The following PI4KB variants were observed in gnomAD, a reference collection of about 807,000 sequenced individuals.
The protein encoded by PI4KB is phosphatidylinositol 4-kinase beta.
Under a neutral mutation model 81.4 loss-of-function variants are expected in PI4KB, and 23 were observed. The observed-to-expected ratio is 0.28, with a 90% CI of 0.20 to 0.40. The LOEUF is 0.40. Among genes scored for constraint, PI4KB ranks in the 10% least tolerant of loss-of-function variants. The pLI is 1.00. For missense variants in PI4KB, 651 were observed against 1,036.6 expected (o/e 0.63, Z 5.11); for synonymous variants, 381 against 406.8 (o/e 0.94, Z 0.76).
chr1:151,293,757 T>C, intron 11 of PI4KB: 1 of 435,150 alleles, frequency 2.3e-6, no homozygotes, highest in Non-Finnish European at 4.2e-6. Flanking sequence ...ACCAGGAGGC[T>C]GTAAATGGGC....
intron 9 of PI4KB, among the ~76,000 whole-genome samples, chr1:151,297,240 C>T (rs1035987548): frequency 1.3e-5 from 2 of 152,012 alleles, no homozygotes; most frequent in African/African-American, 4.8e-5. Context: ...TACCACCATG[C>T]TTGGCTAATT....
intron 2 of PI4KB, among the ~76,000 whole-genome samples, chr1:151,311,236 C>T (rs766209107): frequency 2.0e-5 from 3 of 151,450 alleles, no homozygotes; most frequent in Non-Finnish European, 2.9e-5. Flanking sequence ...CAGAGCAGCA[C>T]GTGTGCACAA....
At chr1:151,302,073 C>T (rs1695331382) in intron 7 of PI4KB, 106 bp from the exon 8 acceptor site, 1 of 1,586,546 alleles carries the variant, frequency 6.3e-7, no homozygotes, top group African/African-American at 1.3e-5. Context: ...GGCAAGGACC[C>T]AGACAGCCTG....
intron 9 of PI4KB, among the ~76,000 whole-genome samples, chr1:151,297,907 C>T (rs2101917553): frequency 6.6e-6 from 1 of 152,316 alleles, no homozygotes; most frequent in East Asian, 1.9e-4. Flanking sequence ...ATTGCATTTC[C>T]ACCTTTCCAG....
chr1:151,315,990 G>A lies in PI4KB; in HGVS notation c.492C>T (p.Leu164=), dbSNP rs368483895. 24 of 1,613,156 alleles carry A rather than the reference G, an allele frequency of 1.5e-5. No individual in the cohort carries two copies. Among genetic ancestry groups the A allele is most frequent in the Non-Finnish European group, 1.9e-5 (22 of 1,179,276 alleles). ...PGVQAYIGNR[L]FCFRNEDVDF... ...CCACGTCCTCGTTGCGAAAGCAGAA[G>A]AGCCGGTTGCCAATGTAGGCTTGTA... is the stretch of plus-strand genomic sequence containing the variant. The change falls in exon 2 of 12, where the codon CTC becomes CTT. Residue 164 remains leucine, a synonymous_variant. Transcript: ENST00000368873.
chr1:151,295,802 T>A (rs900724751), intron 9 of PI4KB, among the ~76,000 whole-genome samples: 1 of 152,168 alleles, frequency 6.6e-6, no homozygotes, highest in Non-Finnish European at 1.5e-5. Flanking sequence ...ACTAATTCCC[T>A]AAAGGAAAGC....
At chr1:151,312,153 C>A (rs75834915) in intron 2 of PI4KB, among the ~76,000 whole-genome samples, 2,318 of 152,226 alleles carry the variant, frequency 0.015, 67 homozygotes, top group African/African-American at 0.053. Context: ...GTAAAGGATT[C>A]CTCATAGTAA....
chr1:151,304,691 T>G (rs940378265), intron 5 of PI4KB, among the ~76,000 whole-genome samples: 2 of 150,868 alleles, frequency 1.3e-5, no homozygotes, highest in South Asian at 4.2e-4. Flanking sequence ...AGTCTCACTC[T>G]GTCACCCAGG....
At chr1:151,327,216 A>AGGGGGCCCCCCCCCCCCC in intron 1 of PI4KB, 55 bp downstream of exon 1, 1 of 102,622 alleles carries the variant, frequency 9.7e-6, no homozygotes, top group Non-Finnish European at 1.8e-5. Flanking sequence ...TGGGAGAGGG[A>AGGGGGCCCCCCCCCCCCC]CCCCCCCCCC....
chr1:151,325,342 G>A (rs762569186), intron 1 of PI4KB, among the ~76,000 whole-genome samples: 4 of 152,026 alleles, frequency 2.6e-5, no homozygotes, highest in Non-Finnish European at 4.4e-5. Context: ...CATGACTAAC[G>A]ACAAGGAAGA....
At position 151,292,849 on chromosome 1, in the gene PI4KB, G is replaced by T; in HGVS notation, c.*3C>A. The T allele has an allele frequency of 1.2e-6, 2 of 1,613,676 alleles. No homozygotes were observed. The highest frequency in any genetic ancestry group is 1.7e-6 in the Non-Finnish European group (2 of 1,179,820). On this transcript the variant is annotated 3_prime_UTR_variant, in exon 12 of 12. Coordinates refer to ENST00000368873, the MANE Select transcript of PI4KB (RefSeq NM_001369623.2). Reference sequence around the variant, plus strand: ...CCCCACCACTCCTGGGCTGAGGAGCGTGTCACATGATGCCGTTGGTGAGGT... The same window carrying T: ...CCCCACCACTCCTGGGCTGAGGAGCTTGTCACATGATGCCGTTGGTGAGGT...
chr1:151,307,146 G>T (rs1695841756), intron 4 of PI4KB, among the ~76,000 whole-genome samples: 1 of 152,092 alleles, frequency 6.6e-6, no homozygotes, highest in African/African-American at 2.4e-5. Flanking sequence ...ATTCTCTCCA[G>T]TGTGAATTGG....
chr1:151,301,235 A>C (rs963504141), intron 8 of PI4KB, among the ~76,000 whole-genome samples: 21 of 151,634 alleles, frequency 1.4e-4, no homozygotes, highest in Non-Finnish European at 5.9e-5. Context: ...TTTTTTTTTG[A>C]GACAGAGTCT....
In PI4KB at chr1:151,306,180, C is replaced by T. The variant is rs1695738723; in HGVS notation, c.1366G>A (p.Asp456Asn). The T allele has an allele frequency of 1.2e-6, 2 of 1,614,094 alleles. No homozygotes were observed. Among genetic ancestry groups the T allele is most frequent in the East Asian group, 4.5e-5 (2 of 44,900 alleles). Residue 456 changes from aspartate to asparagine, a missense_variant, in exon 5 of 12, where the codon GAT becomes AAT. Coordinates refer to ENST00000368873, the MANE Select transcript of PI4KB (RefSeq NM_001369623.2). ...ATGTCATCCACCGACCAGGCCTCAT[C>T]ATCGTTGTCATAGTTGGGCACAGTG... is the stretch of plus-strand genomic sequence containing the variant. ...FSTVPNYDND[D>N]EAWSVDDIGE...
intron 1 of PI4KB, chr1:151,324,810 C>T: frequency 1.0e-6 from 1 of 985,246 alleles, no homozygotes; most frequent in Non-Finnish European, 1.2e-6. Flanking sequence ...CCCTCTTGTC[C>T]CATGCCAATT....
intron 9 of PI4KB, 108 bp from the exon 10 acceptor site, chr1:151,294,649 TG>T: frequency 2.0e-6 from 2 of 988,902 alleles, no homozygotes; most frequent in Non-Finnish European, 3.1e-6. Flanking sequence ...GGGGGTCCCC[TG>T]CCATGTTTCC....
chr1:151,297,003 C>T (rs1400101185), intron 9 of PI4KB, among the ~76,000 whole-genome samples: 1 of 152,150 alleles, frequency 6.6e-6, no homozygotes, highest in East Asian at 1.9e-4. Flanking sequence ...TCTTGAACTA[C>T]TGACCTCAGG....
chr1:151,323,917 T>C (rs1334010176), intron 1 of PI4KB, among the ~76,000 whole-genome samples: 1 of 152,130 alleles, frequency 6.6e-6, no homozygotes, highest in African/African-American at 2.4e-5. Context: ...TGAGTACCAT[T>C]GGATTTGTTA....
At chr1:151,320,079 G>A (rs55908171) in intron 1 of PI4KB, among the ~76,000 whole-genome samples, 15,900 of 152,188 alleles carry the variant, frequency 0.1, 951 homozygotes, top group Middle Eastern at 0.16. Context: ...TGTCGCCCAG[G>A]CTGGAGTGCA....
Sources: gnomAD v4.1 joint callset for allele counts (sites outside exome capture counted in the v4.1 genomes callset) on GRCh38, gnomAD v4.1.1 for gene constraint, MANE v1.5 for transcripts, NCBI Gene and HGNC (gene_info 2026-07-23, HGNC 2026-07-21) for gene names.